PPP2R3A: variants seen among roughly 807,000 people sequenced by gnomAD.
PPP2R3A encodes protein phosphatase 2 regulatory subunit B''alpha, also known as serine/threonine-protein phosphatase 2A regulatory subunit B'' subunit alpha.
In PPP2R3A, 80 loss-of-function variants were observed where a neutral mutation model predicts 106.9. The observed-to-expected ratio is 0.75, with a 90% CI of 0.62 to 0.90. The LOEUF is 0.90. PPP2R3A is among the 40% of genes least tolerant of loss of function. The probability of loss-of-function intolerance (pLI) is 0.00; values close to 1 mark genes in which losing one functional copy is unlikely to be tolerated. For synonymous variants in PPP2R3A, 483 were observed against 468.3 expected (o/e 1.03, Z -0.41); for missense variants, 1,386 against 1,350.4 (o/e 1.03, Z -0.41).
chr3:136,006,089 C>G (rs1250608107), intron 2 of PPP2R3A, among the ~76,000 whole-genome samples: 2 of 152,210 alleles, frequency 1.3e-5, no homozygotes, highest in African/African-American at 4.8e-5. Flanking sequence ...CTAGGTACAG[C>G]TACCTTAAAA....
intron 3 of PPP2R3A, among the ~76,000 whole-genome samples, chr3:136,040,635 G>T (rs929993762): frequency 6.6e-6 from 1 of 152,144 alleles, no homozygotes; most frequent in Admixed American, 6.5e-5. Context: ...AAACATAAAT[G>T]AATTTCCGTT....
chr3:136,026,569 G>C (rs1043918140), intron 2 of PPP2R3A, among the ~76,000 whole-genome samples: 2 of 152,088 alleles, frequency 1.3e-5, no homozygotes, highest in African/African-American at 4.8e-5. Flanking sequence ...CTTTTGAAAT[G>C]TCTGCCAAAT....
At chr3:136,087,965 AACT>A in intron 9 of PPP2R3A, 34 bp downstream of exon 9, 2 of 1,538,330 alleles carry the variant, frequency 1.3e-6, no homozygotes, top group Non-Finnish European at 1.8e-6. Flanking sequence ...TTTAAAAATG[AACT>A]ACAAGTAATA....
chr3:136,064,068 C>T (rs984631994), intron 5 of PPP2R3A, among the ~76,000 whole-genome samples: 1 of 151,732 alleles, frequency 6.6e-6, no homozygotes, highest in Non-Finnish European at 1.5e-5. Context: ...ACATATACAC[C>T]ATGGAATACT....
chr3:135,979,754 T>C (rs1017292118), intron 1 of PPP2R3A, among the ~76,000 whole-genome samples: 3 of 151,570 alleles, frequency 2.0e-5, no homozygotes, highest in Non-Finnish European at 4.4e-5. Context: ...CCATTACATA[T>C]GATAAGGGTT....
intron 13 of PPP2R3A, among the ~76,000 whole-genome samples, chr3:136,121,021 C>T (rs1343099892): frequency 6.6e-6 from 1 of 152,100 alleles, no homozygotes; most frequent in Non-Finnish European, 1.5e-5. Flanking sequence ...CTGTGGGGAG[C>T]AGTTTGGATA....
At chr3:136,049,797 G>A (rs1935617467) in intron 5 of PPP2R3A, among the ~76,000 whole-genome samples, 1 of 152,094 alleles carries the variant, frequency 6.6e-6, no homozygotes, top group Non-Finnish European at 1.5e-5. Context: ...CGAACTCTGG[G>A]GTCTTCACTC....
chr3:135,998,113 A>G (rs553157146), intron 1 of PPP2R3A, among the ~76,000 whole-genome samples: 110 of 152,200 alleles, frequency 7.2e-4, no homozygotes, highest in African/African-American at 2.6e-3. Context: ...GCTTGTCTCT[A>G]TACGCCCGCC....
chr3:135,998,617 A>G (rs1933497733), intron 1 of PPP2R3A, among the ~76,000 whole-genome samples: 1 of 152,138 alleles, frequency 6.6e-6, no homozygotes, highest in South Asian at 2.1e-4. Flanking sequence ...TTGACTCAAC[A>G]TTTTACTGTG....
Position 136,082,385 on chromosome 3 carries a change from A to G in PPP2R3A, c.2752A>G (p.Ile918Val), listed in dbSNP as rs1333584768. 2.5e-6 allele frequency: 4 copies of G among 1,613,802 alleles called. No homozygotes were observed. The highest frequency in any genetic ancestry group is 3.4e-6 in the Non-Finnish European group (4 of 1,179,814). The change falls in exon 8 of 14, where the codon ATC becomes GTC. Residue 918 changes from isoleucine to valine, a missense_variant. By Grantham distance (29) the Ile-to-Val change is conservative. Coordinates refer to ENST00000264977, the MANE Select transcript of PPP2R3A (RefSeq NM_002718.5). Reference sequence around the variant, plus strand: ...ACTAGATACTGATCACGACCTCTACATCAGCCAGGCCGATCTGTCTCGATA... The same window carrying G: ...ACTAGATACTGATCACGACCTCTACGTCAGCCAGGCCGATCTGTCTCGATA... The part of the protein sequence containing the change: ...WELDTDHDLY[I>V]SQADLSRYND...
At chr3:136,057,911 G>A (rs956887557) in intron 5 of PPP2R3A, among the ~76,000 whole-genome samples, 5 of 152,108 alleles carry the variant, frequency 3.3e-5, no homozygotes, top group Non-Finnish European at 5.9e-5. Context: ...AAATTAAAAA[G>A]AGAACTACCA....
At chr3:136,122,159 G>GA in intron 13 of PPP2R3A, among the ~76,000 whole-genome samples, 1 of 152,212 alleles carries the variant, frequency 6.6e-6, no homozygotes, top group East Asian at 1.9e-4. Context: ...CAAGATGCAT[G>GA]AAAAAGGATG....
intron 1 of PPP2R3A, among the ~76,000 whole-genome samples, chr3:135,995,911 G>A (rs551202989): frequency 2.0e-5 from 3 of 152,266 alleles, no homozygotes; most frequent in Admixed American, 1.3e-4. Flanking sequence ...TAGAGCCACC[G>A]ATGTTTATAC....
intron 4 of PPP2R3A, among the ~76,000 whole-genome samples, chr3:136,041,303 G>A (rs1209298528): frequency 1.5e-5 from 2 of 131,478 alleles, no homozygotes; most frequent in Non-Finnish European, 3.1e-5. Flanking sequence ...TTTTGCCCAG[G>A]CTAGTGTGCA....
intron 9 of PPP2R3A, among the ~76,000 whole-genome samples, chr3:136,089,076 CT>C (rs1426529202): frequency 6.6e-6 from 1 of 152,130 alleles, no homozygotes; most frequent in East Asian, 1.9e-4. Flanking sequence ...TGCAAAAGCT[CT>C]TTAGTTTAAT....
chr3:136,007,692 C>T (rs999180427), intron 2 of PPP2R3A, among the ~76,000 whole-genome samples: 3 of 152,286 alleles, frequency 2.0e-5, no homozygotes, highest in South Asian at 2.1e-4. Flanking sequence ...TCTTACAGTA[C>T]GCTATATACA....
At chr3:136,066,597 G>C (rs895770006) in intron 5 of PPP2R3A, among the ~76,000 whole-genome samples, 32 of 152,126 alleles carry the variant, frequency 2.1e-4, no homozygotes, top group African/African-American at 7.2e-4. Context: ...CTTGGCCTAC[G>C]GTGAAGCCTC....
chr3:135,973,457 T>C (rs1937301333), intron 1 of PPP2R3A, among the ~76,000 whole-genome samples: 1 of 152,204 alleles, frequency 6.6e-6, no homozygotes, highest in African/African-American at 2.4e-5. Context: ...ACTAAAGGAC[T>C]GTGATCCATG....
intron 3 of PPP2R3A, among the ~76,000 whole-genome samples, chr3:136,029,368 C>T (rs1463939925): frequency 6.6e-6 from 1 of 152,208 alleles, no homozygotes; most frequent in Non-Finnish European, 1.5e-5. Context: ...CCTTTATGGT[C>T]TGGCCTCCCA....
Sources: gnomAD v4.1 joint callset for allele counts (sites outside exome capture counted in the v4.1 genomes callset) on GRCh38, gnomAD v4.1.1 for gene constraint, MANE v1.5 for transcripts, NCBI Gene and HGNC (gene_info 2026-07-23, HGNC 2026-07-21) for gene names.